CAP2: variants seen among roughly 807,000 people sequenced by gnomAD.
CAP2 encodes the protein adenylyl cyclase-associated protein 2.
Under a neutral mutation model 57.7 loss-of-function variants are expected in CAP2, and 24 were observed. The observed-to-expected ratio is 0.42, with a 90% confidence interval of 0.30 to 0.58. The LOEUF (loss-of-function observed/expected upper bound fraction) is 0.58, where lower values mean the gene tolerates loss of function less well. CAP2 is among the 20% of genes least tolerant of loss of function. The pLI is 0.22. For synonymous variants in CAP2, 194 were observed against 207.2 expected (o/e 0.94, Z 0.55); for missense variants, 501 against 590.3 (o/e 0.85, Z 1.57).
chr6:17,452,098 GCTGA>G (rs1424880011), intron 3 of CAP2, among the ~76,000 whole-genome samples: 2 of 152,174 alleles, frequency 1.3e-5, no homozygotes, highest in African/African-American at 4.8e-5. Context: ...CGTAATCTGT[GCTGA>G]CTGTGTGTGT....
At chr6:17,535,565 T>C (rs1762754876) in intron 7 of CAP2, among the ~76,000 whole-genome samples, 1 of 149,562 alleles carries the variant, frequency 6.7e-6, no homozygotes, top group African/African-American at 2.5e-5. Context: ...TGAGCCACCG[T>C]GACTGGCCAT....
At chr6:17,526,936 G>A (rs1234527292) in intron 7 of CAP2, among the ~76,000 whole-genome samples, 5 of 116,502 alleles carry the variant, frequency 4.3e-5, no homozygotes, top group South Asian at 5.8e-4. Context: ...CAGCCTGGGC[G>A]ACAGAGCAAG....
At chr6:17,547,614 G>A (rs1334531936) in intron 11 of CAP2, among the ~76,000 whole-genome samples, 1 of 152,132 alleles carries the variant, frequency 6.6e-6, no homozygotes, top group Non-Finnish European at 1.5e-5. Context: ...GGCCAAGGTG[G>A]GCAAATCACG....
intron 4 of CAP2, among the ~76,000 whole-genome samples, chr6:17,505,684 G>A (rs1343042207): frequency 1.3e-5 from 2 of 152,164 alleles, no homozygotes; most frequent in African/African-American, 2.4e-5. Context: ...CCACAGAGCT[G>A]AAGTACAGGA....
rs1480197406 is a variant in CAP2 at position 17,507,203 on chromosome 6, A to G, written c.335A>G (p.Glu112Gly). 6.2e-7 allele frequency: 1 copy of G among 1,614,050 alleles called. No individual in the cohort carries two copies. Among genetic ancestry groups the G allele is most frequent in the African/African-American group, 1.3e-5 (1 of 74,920 alleles). Residue 112 changes from glutamate to glycine, a missense_variant, in exon 5 of 13, where the codon GAA becomes GGA. By Grantham distance (98) the Glu-to-Gly change is moderately conservative. Transcript: ENST00000229922. ...DVAALLKPIS[E>G]KIQEIQTFRE... is the part of the protein sequence containing the mutation. ...GCCGCACTTCTGAAACCCATATCGG[A>G]AAAGATTCAGGAAATCCAAACTTTC... is the stretch of plus-strand genomic sequence containing the variant.
At chr6:17,462,124 G>T (rs1182845708) in intron 3 of CAP2, among the ~76,000 whole-genome samples, 1 of 151,822 alleles carries the variant, frequency 6.6e-6, no homozygotes, top group Non-Finnish European at 1.5e-5. Context: ...TGTGTTTGAG[G>T]CCATTCCTGC....
intron 1 of CAP2, among the ~76,000 whole-genome samples, chr6:17,396,403 C>CT: frequency 6.6e-6 from 1 of 152,318 alleles, no homozygotes; most frequent in South Asian, 2.1e-4. Flanking sequence ...AACCAAATGA[C>CT]TATCAGTTGA....
chr6:17,480,545 C>G (rs1226480601), intron 4 of CAP2, among the ~76,000 whole-genome samples: 3 of 152,188 alleles, frequency 2.0e-5, no homozygotes, highest in South Asian at 2.1e-4. Flanking sequence ...AGGTAGCAGT[C>G]CTGAACACTG....
chr6:17,402,291 T>C (rs772366290), intron 1 of CAP2, among the ~76,000 whole-genome samples: 3 of 152,172 alleles, frequency 2.0e-5, no homozygotes, highest in Non-Finnish European at 2.9e-5. Flanking sequence ...TACTAAATGG[T>C]TTATGTCTAA....
intron 3 of CAP2, among the ~76,000 whole-genome samples, chr6:17,456,669 T>C (rs752546): frequency 0.13 from 20,534 of 152,186 alleles, 4,479 homozygotes; most frequent in African/African-American, 0.46. Flanking sequence ...ATGCCCATTC[T>C]TCCATCTTTA....
chr6:17,438,431 G>GTGTTT (rs200676570), intron 3 of CAP2, among the ~76,000 whole-genome samples: 32,915 of 81,560 alleles, frequency 0.4, 7,984 homozygotes, highest in East Asian at 0.71. Context: ...CCATCCAGAA[G>GTGTTT]TGTTTTTTTT....
chr6:17,398,502 A>T (rs1758725969), intron 1 of CAP2, among the ~76,000 whole-genome samples: 2 of 151,654 alleles, frequency 1.3e-5, no homozygotes, highest in African/African-American at 4.8e-5. Flanking sequence ...CTATTTTAAG[A>T]TATATATAAA....
intron 7 of CAP2, among the ~76,000 whole-genome samples, chr6:17,526,881 C>T (rs1343762914): frequency 1.4e-5 from 2 of 144,100 alleles, no homozygotes; most frequent in Non-Finnish European, 3.0e-5. Flanking sequence ...CGCTGGAACC[C>T]AGGAGGCGGA....
chr6:17,483,465 G>T (rs752725080), intron 4 of CAP2, among the ~76,000 whole-genome samples: 2 of 152,144 alleles, frequency 1.3e-5, no homozygotes, highest in Non-Finnish European at 2.9e-5. Context: ...TGTGCATTTG[G>T]TCACACTCCA....
At chr6:17,476,751 T>C (rs1453871191) in intron 4 of CAP2, among the ~76,000 whole-genome samples, 1 of 151,888 alleles carries the variant, frequency 6.6e-6, no homozygotes, top group Non-Finnish European at 1.5e-5. Context: ...CCTATCCCTG[T>C]GGCTTGTCAG....
chr6:17,556,484 TCAAA>T lies in CAP2; in HGVS notation c.*51_*54del, dbSNP rs769780420. 1.4e-5 allele frequency: 19 copies of T among 1,381,302 alleles called. No homozygotes were observed. The highest frequency in any genetic ancestry group is 1.7e-5 in the Non-Finnish European group (16 of 967,680). 85.6% of individuals were successfully genotyped at this position (1,381,302 alleles called of 1,614,324 possible). On this transcript the variant is annotated 3_prime_UTR_variant, in exon 13 of 13. Transcript: ENST00000229922. Reference sequence around the variant, plus strand: ...ACCCCCTCACCTGAATCCCCCTCTATCAAACAAACAAAAAAGCAGCAGTAAAGAG... The same window carrying T: ...ACCCCCTCACCTGAATCCCCCTCTATCAAACAAAAAAGCAGCAGTAAAGAG...
intron 11 of CAP2, among the ~76,000 whole-genome samples, chr6:17,550,851 T>C (rs952618722): frequency 1.3e-5 from 2 of 152,186 alleles, no homozygotes; most frequent in African/African-American, 4.8e-5. Flanking sequence ...CAGTTTTGTC[T>C]CCTGAAATGA....
chr6:17,523,188 G>T (rs368469629), intron 7 of CAP2, among the ~76,000 whole-genome samples: 2 of 152,182 alleles, frequency 1.3e-5, no homozygotes, highest in East Asian at 3.8e-4. Flanking sequence ...GTGACCTAGA[G>T]TGTGACAATG....
At chr6:17,440,044 C>T (rs923107662) in intron 3 of CAP2, among the ~76,000 whole-genome samples, 1 of 151,576 alleles carries the variant, frequency 6.6e-6, no homozygotes, top group African/African-American at 2.4e-5. Context: ...ATCAGCTTGT[C>T]TGTTTCCAGA....
Sources: allele counts gnomAD v4.1 joint callset (sites outside exome capture counted in the v4.1 genomes callset), GRCh38; gene constraint gnomAD v4.1.1; transcripts MANE v1.5; gene names NCBI Gene and HGNC (gene_info 2026-07-23, HGNC 2026-07-21).